AGAP1: variants seen among roughly 807,000 people sequenced by gnomAD.
AGAP1 encodes arf-GAP with GTPase, ANK repeat and PH domain-containing protein 1.
Under a neutral mutation model 105.3 loss-of-function variants are expected in AGAP1, and 29 were observed. The observed-to-expected ratio is 0.28, with a 90% CI of 0.21 to 0.38. The LOEUF (loss-of-function observed/expected upper bound fraction) is 0.38, where lower values mean the gene tolerates loss of function less well. AGAP1 is among the 10% of genes least tolerant of loss of function. The pLI is 1.00. For missense variants in AGAP1, 998 were observed against 1,165.1 expected, an observed-to-expected ratio of 0.86 and a Z score of 2.09; for synonymous variants, 509 against 485.9, an observed-to-expected ratio of 1.05 and a Z score of -0.63.
rs777381858 is a variant in AGAP1 at position 235,494,698 on chromosome 2, G to C, written c.12G>C (p.Gln4His). 1.4e-5 allele frequency: 22 copies of C among 1,531,360 alleles called. No individual in the cohort carries two copies. Among genetic ancestry groups the C allele is most frequent in the Non-Finnish European group, 1.8e-5 (21 of 1,136,774 alleles). 94.9% of individuals were successfully genotyped at this position (1,531,360 alleles called of 1,614,324 possible). Reference protein sequence around the residue: MNYQQQLANSAAIR... With the variant: MNYHQQLANSAAIR... ...GCGGCGCCTGCACCATGAACTACCA[G>C]CAGCAGCTGGCCAACTCGGCTGCCA... Residue 4 changes from glutamine (Q) to histidine (H), a missense_variant, in exon 1 of 18, where the codon CAG becomes CAC. Physicochemically the swap from Gln to His is conservative, Grantham distance 24. Coordinates refer to ENST00000304032, the MANE Select transcript of AGAP1 (RefSeq NM_001037131.3).
chr2:235,853,930 G>A (rs1392920087), intron 9 of AGAP1, among the ~76,000 whole-genome samples: 3 of 151,846 alleles, frequency 2.0e-5, no homozygotes, highest in African/African-American at 7.3e-5. Flanking sequence ...CCTCCCATGT[G>A]GAGATACTAG....
chr2:236,106,162 CTGTT>C (rs775191823), intron 16 of AGAP1, among the ~76,000 whole-genome samples: 1 of 152,248 alleles, frequency 6.6e-6, no homozygotes, highest in East Asian at 1.9e-4. Context: ...GATGTCTGCT[CTGTT>C]TGTTTGCCAA....
chr2:235,600,925 C>G lies in AGAP1; in HGVS notation c.163+106076C>G, dbSNP rs1476971830. Among the ~76,000 whole-genome samples the G allele has an allele frequency of 6.6e-6, 1 of 152,198 alleles. No homozygotes were observed. Among genetic ancestry groups the G allele is most frequent in the East Asian group, 1.9e-4 (1 of 5,194 alleles). On this transcript the variant is annotated intron_variant, in intron 1 of 17. Transcript: ENST00000304032. This position sits in a 1 kb window ranked among gnomAD's most constrained non-coding sequence, Gnocchi z 4.8. ...TACCCACCATTGTTTCACCTGCAGCCTCCCCCATCTCAGCTGGTGCTCACT... is the reference window on the plus strand; with the variant it reads ...TACCCACCATTGTTTCACCTGCAGCGTCCCCCATCTCAGCTGGTGCTCACT...
At chr2:235,563,298 G>A (rs1263144636) in intron 1 of AGAP1, among the ~76,000 whole-genome samples, 1 of 152,058 alleles carries the variant, frequency 6.6e-6, no homozygotes, top group Non-Finnish European at 1.5e-5. Context: ...TGCTGTGTCT[G>A]GTCCTTTTAT....
At chr2:235,677,576 A>T (rs977215080) in intron 1 of AGAP1, among the ~76,000 whole-genome samples, 1 of 152,132 alleles carries the variant, frequency 6.6e-6, no homozygotes, top group Admixed American at 6.5e-5. Context: ...TGTTGTGGTC[A>T]ACACACAGGA....
chr2:235,804,513 G>A (rs527685285), intron 8 of AGAP1, among the ~76,000 whole-genome samples: 15 of 152,300 alleles, frequency 9.8e-5, no homozygotes, highest in African/African-American at 2.4e-4. Context: ...TCCAGCAGCC[G>A]TTGACTTAGC....
intron 2 of AGAP1, among the ~76,000 whole-genome samples, chr2:235,709,818 C>T (rs1416924462): frequency 6.6e-6 from 1 of 152,206 alleles, no homozygotes; most frequent in East Asian, 1.9e-4. Flanking sequence ...CCATCGCAGC[C>T]ACCCTTTCCA....
rs1194943806 is a variant in AGAP1 at position 235,712,277 on chromosome 2, C to A, written c.222+3040C>A. Among the ~76,000 whole-genome samples, 1 of 152,228 alleles carries A rather than the reference C, an allele frequency of 6.6e-6. No individual in the cohort carries two copies. The highest frequency in any genetic ancestry group is 1.5e-5 in the Non-Finnish European group (1 of 68,036). ...TCGTCATCCGCCTGCCTTGGCCTCCCAAAGTGCTGGGATGACAGGCCTGAG... is the reference window on the plus strand; with the variant it reads ...TCGTCATCCGCCTGCCTTGGCCTCCAAAAGTGCTGGGATGACAGGCCTGAG... On this transcript the variant is annotated intron_variant, in intron 2 of 17. Transcript: ENST00000304032. The surrounding 1 kb of genome is among the most constrained non-coding windows in gnomAD (Gnocchi z 6.0).
intron 13 of AGAP1, among the ~76,000 whole-genome samples, chr2:235,996,274 G>A (rs1426656067): frequency 6.6e-6 from 1 of 152,190 alleles, no homozygotes; most frequent in Non-Finnish European, 1.5e-5. Context: ...GCACCCAGGT[G>A]GAAACCCGTC....
chr2:235,883,621 C>G lies in AGAP1; in HGVS notation c.1155+172C>G, dbSNP rs2050136117. On this transcript the variant is annotated intron_variant, in intron 10 of 17. Coordinates refer to ENST00000304032, the MANE Select transcript of AGAP1 (RefSeq NM_001037131.3). The surrounding 1 kb of genome is among the most constrained non-coding windows in gnomAD (Gnocchi z 4.5). ...CCCTGTTCCTCACACTCCACTAGACCATATGTCTTTCTCTCTCTTCCCCTC... is the reference window on the plus strand; with the variant it reads ...CCCTGTTCCTCACACTCCACTAGACGATATGTCTTTCTCTCTCTTCCCCTC... 6.6e-6 allele frequency among the ~76,000 whole-genome samples: 1 copy of G among 152,108 alleles called. No homozygotes were observed. The highest frequency in any genetic ancestry group is 2.4e-5 in the African/African-American group (1 of 41,424).
chr2:235,796,090 C>CTGAATACTATT (rs1208993326), intron 6 of AGAP1, among the ~76,000 whole-genome samples: 2 of 152,138 alleles, frequency 1.3e-5, no homozygotes, highest in African/African-American at 4.8e-5. Context: ...GTCAGTGTGG[C>CTGAATACTATT]CATCCAGCTG....
At position 235,712,540 on chromosome 2, in the gene AGAP1, C is replaced by G. The variant is rs1314275366; in HGVS notation, c.222+3303C>G. Among the ~76,000 whole-genome samples, 1 of 152,262 alleles carries G rather than the reference C, an allele frequency of 6.6e-6. No homozygotes were observed. The highest frequency in any genetic ancestry group is 6.5e-5 in the Admixed American group (1 of 15,286). On this transcript the variant is annotated intron_variant, in intron 2 of 17. Transcript: ENST00000304032. The surrounding 1 kb of genome is among the most constrained non-coding windows in gnomAD (Gnocchi z 6.0). ...TTTGTGTGTTTTCATTGAACTCCAA[C>G]TGGAATTTTTACTAAAAGCCTTGAT...
intron 9 of AGAP1, among the ~76,000 whole-genome samples, chr2:235,851,032 G>A (rs991566486): frequency 1.3e-5 from 2 of 152,228 alleles, no homozygotes; most frequent in Non-Finnish European, 2.9e-5. Flanking sequence ...CAGGCAGGCT[G>A]TTCATGGGGT....
intron 12 of AGAP1, among the ~76,000 whole-genome samples, chr2:235,941,851 G>GA (rs944749548): frequency 5.3e-5 from 8 of 151,026 alleles, no homozygotes; most frequent in East Asian, 1.9e-4. Context: ...TTTGTTGTTG[G>GA]GGGGGTAAGA....
At chr2:235,715,157 CT>C (rs1205276091) in intron 2 of AGAP1, among the ~76,000 whole-genome samples, 2 of 152,230 alleles carry the variant, frequency 1.3e-5, no homozygotes, top group Admixed American at 1.3e-4. Context: ...TCCTTCCTCC[CT>C]CCTGTCTCTC....
chr2:235,567,019 C>T (rs766585409), intron 1 of AGAP1, among the ~76,000 whole-genome samples: 9 of 152,166 alleles, frequency 5.9e-5, no homozygotes, highest in African/African-American at 1.7e-4. Flanking sequence ...GCCCTCTTCC[C>T]GGCATGTGTC....
chr2:235,846,271 T>C (rs527755494), intron 9 of AGAP1, among the ~76,000 whole-genome samples: 31 of 152,280 alleles, frequency 2.0e-4, no homozygotes, highest in African/African-American at 7.5e-4. Flanking sequence ...AAATGCAAAA[T>C]GGAATGTAAG....
rs745349843 is a variant in AGAP1 at position 236,120,254 on chromosome 2, C to T, written c.2177C>T (p.Pro726Leu). The T allele has an allele frequency of 6.2e-7, 1 of 1,613,448 alleles. No homozygotes were observed. The highest frequency in any genetic ancestry group is 1.1e-5 in the South Asian group (1 of 91,022). ...CAGAAGCTCTTCCTGGCCCCGCTGC[C>T]CTGCACGGAGCTGTCCCTGGGCCAG... Reference protein sequence around the residue: ...YEQKLFLAPLPCTELSLGQHL... With the variant: ...YEQKLFLAPLLCTELSLGQHL... Residue 726 changes from proline to leucine, a missense_variant, in exon 17 of 18, where the codon CCC becomes CTC. Pro to Leu is a moderately conservative substitution (Grantham distance 98). Transcript: ENST00000304032. This position sits in a 1 kb window ranked among gnomAD's most constrained non-coding sequence, Gnocchi z 6.0.
At chr2:236,103,882 T>C (rs1047298529) in intron 16 of AGAP1, among the ~76,000 whole-genome samples, 1 of 152,198 alleles carries the variant, frequency 6.6e-6, no homozygotes, top group Non-Finnish European at 1.5e-5. Flanking sequence ...GGGCCCCTTC[T>C]AGGCACCCCG....
Sources: allele counts gnomAD v4.1 joint callset (sites outside exome capture counted in the v4.1 genomes callset), GRCh38; gene constraint gnomAD v4.1.1; non-coding constraint Gnocchi (gnomAD v3.1); transcripts MANE v1.5; gene names NCBI Gene and HGNC (gene_info 2026-07-23, HGNC 2026-07-21).